FRMD4A: variants seen among roughly 807,000 people sequenced by gnomAD.
FRMD4A encodes the protein FERM domain-containing protein 4A.
FRMD4A carries 29 observed loss-of-function variants against 129.1 expected under a neutral mutation model. The observed-to-expected ratio is 0.22, with a 90% confidence interval of 0.17 to 0.31. The LOEUF (loss-of-function observed/expected upper bound fraction) is 0.31. Ranked by LOEUF, FRMD4A falls within the 10% of genes least tolerant of loss-of-function variation. The pLI, the probability that FRMD4A is intolerant of heterozygous loss-of-function variation, is 1.00. For synonymous variants in FRMD4A, 634 were observed against 571.6 expected (o/e 1.11, Z -1.56); for missense variants, 1,272 against 1,375.8 (o/e 0.92, Z 1.19).
intron 2 of FRMD4A, among the ~76,000 whole-genome samples, chr10:13,908,743 C>T (rs182440258): frequency 1.3e-5 from 2 of 152,370 alleles, no homozygotes; most frequent in East Asian, 3.9e-4. Flanking sequence ...TTTGCTCCCT[C>T]TTCTTCCCAT....
chr10:13,746,358 G>A (rs2091290046), intron 9 of FRMD4A, among the ~76,000 whole-genome samples: 2 of 152,142 alleles, frequency 1.3e-5, no homozygotes, highest in South Asian at 2.1e-4. Flanking sequence ...CACCAGGCGC[G>A]CGACATCATG....
chr10:14,120,546 G>A (rs554811467), intron 2 of FRMD4A, among the ~76,000 whole-genome samples: 11 of 152,258 alleles, frequency 7.2e-5, no homozygotes, highest in Admixed American at 3.3e-4. Context: ...TTATTAATTC[G>A]TTGAATGAAT....
intron 2 of FRMD4A, among the ~76,000 whole-genome samples, chr10:14,048,666 C>T (rs1186907970): frequency 4.6e-5 from 7 of 151,914 alleles, no homozygotes; most frequent in Non-Finnish European, 7.4e-5. Flanking sequence ...ATTAGCCAGG[C>T]GTGGTGTCAG....
chr10:13,905,252 G>C (rs2094869971), intron 2 of FRMD4A, among the ~76,000 whole-genome samples: 1 of 152,136 alleles, frequency 6.6e-6, no homozygotes, highest in African/African-American at 2.4e-5. Flanking sequence ...AGCAGGTCTA[G>C]TTTCTATTAG....
intron 2 of FRMD4A, among the ~76,000 whole-genome samples, chr10:14,012,438 C>A: frequency 6.6e-6 from 1 of 152,074 alleles, no homozygotes; most frequent in East Asian, 1.9e-4. Context: ...TGACATGCCA[C>A]AGCAAGATGT....
chr10:13,962,563 A>G (rs140400137), intron 2 of FRMD4A, among the ~76,000 whole-genome samples: 109 of 152,292 alleles, frequency 7.2e-4, no homozygotes, highest in African/African-American at 2.3e-3. Context: ...TAGCAGAGCA[A>G]TTCGATTCCT....
Position 14,138,967 on chromosome 10 carries a change from C to T in FRMD4A, c.45+191091G>A, listed in dbSNP as rs565302238. On this transcript the variant is annotated intron_variant, in intron 2 of 24. Coordinates refer to ENST00000357447, the MANE Select transcript of FRMD4A (RefSeq NM_018027.5). ...AGCCTGGAATGACTGGCTACCCCTG[C>T]CCCTTCCCTGGGACCTCTGGACCTC... Among the ~76,000 whole-genome samples the T allele has an allele frequency of 5.9e-4, 90 of 152,272 alleles. 1 individual carries two copies. Among genetic ancestry groups the T allele is most frequent in the African/African-American group, 2.0e-3 (85 of 41,558 alleles).
chr10:14,209,308 T>C (rs1291665237), intron 2 of FRMD4A, among the ~76,000 whole-genome samples: 1 of 152,196 alleles, frequency 6.6e-6, no homozygotes, highest in African/African-American at 2.4e-5. Flanking sequence ...GCAGATTGCA[T>C]AGGCTCCCTC....
At chr10:13,798,168 T>C (rs1211105186) in intron 4 of FRMD4A, among the ~76,000 whole-genome samples, 2 of 151,736 alleles carry the variant, frequency 1.3e-5, no homozygotes, top group African/African-American at 4.8e-5. Flanking sequence ...CCCAGCACTT[T>C]GGGAGGCGAA....
In FRMD4A at chr10:14,066,563, T is replaced by A. The variant is rs117018070; in HGVS notation, c.46-207651A>T. 7.9e-3 allele frequency among the ~76,000 whole-genome samples: 1,196 copies of A among 152,128 alleles called. 60 individuals are homozygous for A. The East Asian group carries it at 0.13, about 17-fold the overall frequency. The stretch of plus-strand genomic sequence containing the variant: ...GAAGTGGGATGAGAACTGTGTAAAG[T>A]GTACACAGAAGAACAAGAAAAGGGA... On this transcript the variant is annotated intron_variant, in intron 2 of 24. Coordinates refer to ENST00000357447, the MANE Select transcript of FRMD4A (RefSeq NM_018027.5).
intron 2 of FRMD4A, among the ~76,000 whole-genome samples, chr10:14,128,686 G>T (rs955005305): frequency 2.0e-5 from 3 of 152,154 alleles, no homozygotes; most frequent in African/African-American, 7.2e-5. Flanking sequence ...TCCTAGTTTT[G>T]TAATGAGAAA....
intron 2 of FRMD4A, among the ~76,000 whole-genome samples, chr10:14,206,326 A>G (rs1453611981): frequency 6.6e-6 from 1 of 152,172 alleles, no homozygotes; most frequent in African/African-American, 2.4e-5. Flanking sequence ...AGAAGAATCT[A>G]CCACCTATAG....
intron 2 of FRMD4A, among the ~76,000 whole-genome samples, chr10:14,287,783 C>T (rs1845727561): frequency 6.6e-6 from 1 of 152,190 alleles, no homozygotes; most frequent in Non-Finnish European, 1.5e-5. Flanking sequence ...CTTCTTAAGA[C>T]TGCTCTCTCT....
chr10:14,014,167 TG>T (rs1223963211), intron 2 of FRMD4A, among the ~76,000 whole-genome samples: 1 of 152,138 alleles, frequency 6.6e-6, no homozygotes, highest in Non-Finnish European at 1.5e-5. Flanking sequence ...AGCTGGGGGA[TG>T]GGAGAAACCG....
intron 2 of FRMD4A, among the ~76,000 whole-genome samples, chr10:13,948,603 C>T (rs1198029510): frequency 6.7e-6 from 1 of 150,184 alleles, no homozygotes; most frequent in Non-Finnish European, 1.5e-5. Flanking sequence ...GAGCAGAGAG[C>T]AGGTGGTGGG....
At chr10:13,905,139 A>G (rs935265377) in intron 2 of FRMD4A, among the ~76,000 whole-genome samples, 1 of 152,132 alleles carries the variant, frequency 6.6e-6, no homozygotes, top group African/African-American at 2.4e-5. Context: ...CAGTCGCAAC[A>G]CTGGCCCCAA....
At chr10:13,788,215 C>T (rs1415216062) in intron 5 of FRMD4A, among the ~76,000 whole-genome samples, 1 of 152,140 alleles carries the variant, frequency 6.6e-6, no homozygotes, top group Non-Finnish European at 1.5e-5. Flanking sequence ...CCAGGGTCCA[C>T]CCCTCCCACC....
chr10:13,803,970 C>G (rs777290721), intron 4 of FRMD4A, among the ~76,000 whole-genome samples: 2 of 152,202 alleles, frequency 1.3e-5, no homozygotes. Context: ...GGGAGAAAGC[C>G]GCATCCCTAA....
intron 15 of FRMD4A, chr10:13,685,592 A>G: frequency 1.0e-6 from 1 of 984,472 alleles, no homozygotes; most frequent in South Asian, 4.7e-5. Flanking sequence ...CCAGCAAAGG[A>G]GCACTGCAAC....
Sources: gnomAD v4.1 joint callset for allele counts (sites outside exome capture counted in the v4.1 genomes callset) on GRCh38, gnomAD v4.1.1 for gene constraint, MANE v1.5 for transcripts, NCBI Gene and HGNC (gene_info 2026-07-23, HGNC 2026-07-21) for gene names.